The following TOGARAM2 variants were observed in gnomAD, a reference collection of about 807,000 sequenced individuals.
TOGARAM2 encodes the protein TOG array regulator of axonemal microtubules 2.
A neutral mutation model predicts 93.3 loss-of-function variants in TOGARAM2; 85 were observed. The observed-to-expected ratio is 0.91, with a 90% CI of 0.76 to 1.09. The LOEUF is 1.09. Among genes scored for constraint, TOGARAM2 ranks in the 50% least tolerant of loss-of-function variants. TOGARAM2 has a pLI of 0.00. For synonymous variants in TOGARAM2, 593 were observed against 552.8 expected, an observed-to-expected ratio of 1.07 and a Z score of -1.02; for missense variants, 1,277 against 1,334.5, an observed-to-expected ratio of 0.96 and a Z score of 0.67.
At chr2:28,967,796 GTCTTTTTTTT>G (rs1671887317) in intron 1 of TOGARAM2, among the ~76,000 whole-genome samples, 1 of 90,224 alleles carries the variant, frequency 1.1e-5, no homozygotes, top group African/African-American at 4.6e-5. Context: ...AAATAAGATG[GTCTTTTTTTT>G]TTTTTTTTTT....
intron 6 of TOGARAM2, among the ~76,000 whole-genome samples, chr2:29,007,849 A>G (rs1488994594): frequency 6.6e-6 from 1 of 151,466 alleles, no homozygotes; most frequent in Non-Finnish European, 1.5e-5. Flanking sequence ...ACCTATTACC[A>G]TTTCACTCAT....
intron 1 of TOGARAM2, among the ~76,000 whole-genome samples, chr2:28,958,293 A>C (rs752769630): frequency 6.7e-6 from 1 of 148,428 alleles, no homozygotes; most frequent in Admixed American, 6.7e-5. Context: ...CCCTCACTAG[A>C]CCTTGTTTTT....
At chr2:28,980,726 T>G (rs56280713), upstream of TOGARAM2, among the ~76,000 whole-genome samples, 1 of 152,216 alleles carries the variant, frequency 6.6e-6, no homozygotes, top group South Asian at 2.1e-4. Flanking sequence ...CCACAGGCTT[T>G]CTGCTCTGCA....
Position 29,052,051 on chromosome 2 carries a change from C to G in TOGARAM2, c.3018C>G (p.Asp1006Glu), listed in dbSNP as rs755480427. 72 of 1,599,754 alleles carry G rather than the reference C, an allele frequency of 4.5e-5. No homozygotes were observed. The highest frequency in any genetic ancestry group is 6.0e-5 in the Non-Finnish European group (70 of 1,171,880). Residue 1006 changes from aspartate to glutamate, a missense_variant, in exon 20 of 20, where the codon GAC becomes GAG. Coordinates refer to ENST00000379558, the MANE Select transcript of TOGARAM2 (RefSeq NM_199280.4). ...RKATDRGVAP[D>E]SKTTGSSYPF... ...CCACTGACAGAGGGGTGGCCCCTGACAGCAAGACAACTGGCAGCTCATACC... is the reference window on the plus strand; with the variant it reads ...CCACTGACAGAGGGGTGGCCCCTGAGAGCAAGACAACTGGCAGCTCATACC...
chr2:29,041,393 G>A (rs959425797), intron 18 of TOGARAM2, among the ~76,000 whole-genome samples: 1 of 152,232 alleles, frequency 6.6e-6, no homozygotes, highest in Non-Finnish European at 1.5e-5. Context: ...AAGTGAATCA[G>A]TCACAGTTTT....
intron 1 of TOGARAM2, among the ~76,000 whole-genome samples, chr2:28,975,355 T>C (rs1362254851): frequency 2.0e-5 from 3 of 151,738 alleles, no homozygotes; most frequent in East Asian, 3.9e-4. Context: ...CGCCCGGCTA[T>C]GTTTTTGTGT....
At chr2:28,985,391 G>C (rs1440546482) in intron 1 of TOGARAM2, among the ~76,000 whole-genome samples, 1 of 151,856 alleles carries the variant, frequency 6.6e-6, no homozygotes, top group Non-Finnish European at 1.5e-5. Flanking sequence ...TTTTAAGTCG[G>C]AGTTTTGCTC....
chr2:29,038,224 A>G (rs1452722517), intron 18 of TOGARAM2, among the ~76,000 whole-genome samples: 1 of 152,146 alleles, frequency 6.6e-6, no homozygotes, highest in Non-Finnish European at 1.5e-5. Context: ...GATTGTAGCT[A>G]CTAGGAAGAT....
intron 17 of TOGARAM2, among the ~76,000 whole-genome samples, chr2:29,035,968 G>A (rs1214933735): frequency 6.6e-6 from 1 of 152,138 alleles, no homozygotes; most frequent in African/African-American, 2.4e-5. Flanking sequence ...ATGTTTGGGG[G>A]CAGAGCATGT....
chr2:29,014,370 T>C, intron 7 of TOGARAM2, 25 bp from the exon 8 acceptor site: 2 of 1,605,922 alleles, frequency 1.2e-6, no homozygotes, highest in Non-Finnish European at 1.7e-6. Context: ...TGTCTTCAGC[T>C]CCACCCCTGT....
Position 29,024,320 on chromosome 2 carries a change from T to A in TOGARAM2, c.1799T>A (p.Val600Glu). ...RAAGQSLRAM[V>E]ENVTLARSLV... ...GCCGGCCAGTCTCTGAGGGCTATGG[T>A]GGAGAATGTGACCCTTGCCCGCTCC... The change falls in exon 13 of 20, where the codon GTG becomes GAG. Residue 600 changes from valine to glutamate, a missense_variant. Physicochemically the swap from Val to Glu is moderately radical, Grantham distance 121. Transcript: ENST00000379558. The A allele has an allele frequency of 6.2e-7, 1 of 1,612,392 alleles. No individual in the cohort carries two copies.
At position 29,032,994 on chromosome 2, in the gene TOGARAM2, G is replaced by C; in HGVS notation, c.2073G>C (p.Leu691=). 6.2e-7 allele frequency: 1 copy of C among 1,613,908 alleles called. No homozygotes were observed. Among genetic ancestry groups the C allele is most frequent in the Non-Finnish European group, 8.5e-7 (1 of 1,179,880 alleles). Residue 691 remains leucine, a synonymous_variant, in exon 15 of 20, where the codon CTG becomes CTC. Transcript: ENST00000379558. ...CGAACACTAAGTTTGATGCATTTCT[G>C]AAGCAATCTCTCCCATCTTACGACT... ...LMANTKFDAF[L]KQSLPSYDLQ...
At chr2:28,983,177 A>AATATATAT (rs1553334840) in intron 1 of TOGARAM2, among the ~76,000 whole-genome samples, 46 of 32,376 alleles carry the variant, frequency 1.4e-3, no homozygotes, top group African/African-American at 2.7e-3. Flanking sequence ...TGTATATATA[A>AATATATAT]ATATATATAT....
In TOGARAM2 at chr2:29,024,046, G is replaced by A; in HGVS notation, c.1618-93G>A. 2.8e-6 allele frequency: 3 copies of A among 1,064,632 alleles called. 1 individual carries two copies. In the South Asian group the frequency reaches 4.6e-5, roughly 16 times the overall value. The allele number at this position is 1,064,632 out of a possible 1,614,324, so 65.9% of individuals were successfully genotyped here. The stretch of plus-strand genomic sequence containing the variant: ...CCTAGGTCAGGGGAAGGGTGGGGGT[G>A]GAGGAAGAGGGTGGTGCAGGGCCCA... On this transcript the variant is annotated intron_variant, in intron 12 of 19. Transcript: ENST00000379558.
chr2:28,990,778 C>A (rs565413465), intron 1 of TOGARAM2, among the ~76,000 whole-genome samples: 6 of 152,174 alleles, frequency 3.9e-5, no homozygotes, highest in Non-Finnish European at 1.5e-5. Context: ...TTACAGACAG[C>A]ATTCGCTTAG....
intron 18 of TOGARAM2, among the ~76,000 whole-genome samples, chr2:29,044,760 C>A (rs1666638693): frequency 6.6e-6 from 1 of 151,998 alleles, no homozygotes; most frequent in East Asian, 1.9e-4. Context: ...AATGAACCAC[C>A]ACCAGCTGTG....
Position 29,009,038 on chromosome 2 carries a change from T to C in TOGARAM2, c.831-2417T>C, listed in dbSNP as rs146478251. The stretch of plus-strand genomic sequence containing the variant: ...CCTAAAAGCTGTTAAGCACCTACTA[T>C]GTGCCAGGTGCATAGGTCACAATCT... On this transcript the variant is annotated intron_variant, in intron 6 of 19. Coordinates refer to ENST00000379558, the MANE Select transcript of TOGARAM2 (RefSeq NM_199280.4). 2.1e-3 allele frequency among the ~76,000 whole-genome samples: 321 copies of C among 152,348 alleles called. 1 individual carries two copies. Among genetic ancestry groups the C allele is most frequent in the Non-Finnish European group, 3.2e-3 (221 of 68,032 alleles).
At chr2:28,958,275 T>G (rs1336673953) in intron 1 of TOGARAM2, among the ~76,000 whole-genome samples, 3 of 151,870 alleles carry the variant, frequency 2.0e-5, no homozygotes, top group Middle Eastern at 3.4e-3. Flanking sequence ...CTCCAAATGA[T>G]CCTTTCTCCC....
Position 29,002,582 on chromosome 2 carries a change from C to T in TOGARAM2, c.474C>T (p.Ser158=). ...GCCCCCAAGGAGTTCCCCTGCACAG[C>T]ACCATCCCCCGAGCCACCTCTCAGA... ...GGGPQGVPLH[S]TIPRATSQRL... The change falls in exon 5 of 20, where the codon AGC becomes AGT. Residue 158 remains serine (S), a synonymous_variant. Coordinates refer to ENST00000379558, the MANE Select transcript of TOGARAM2 (RefSeq NM_199280.4). 2 of 1,614,012 alleles carry T rather than the reference C, an allele frequency of 1.2e-6. No individual in the cohort carries two copies. Among genetic ancestry groups the T allele is most frequent in the South Asian group, 1.1e-5 (1 of 91,074 alleles).
Sources: gnomAD v4.1 joint callset for allele counts (sites outside exome capture counted in the v4.1 genomes callset) on GRCh38, gnomAD v4.1.1 for gene constraint, MANE v1.5 for transcripts, NCBI Gene and HGNC (gene_info 2026-07-23, HGNC 2026-07-21) for gene names.